Variants in TTLL8 observed in about 807,000 individuals in gnomAD.
The protein encoded by TTLL8 is tubulin tyrosine ligase like 8, also known as protein monoglycylase TTLL8.
In TTLL8, 65 loss-of-function variants were observed where a neutral mutation model predicts 77.8. The ratio of observed to expected loss-of-function variants is 0.84; its 90% CI spans 0.68 to 1.03. TTLL8 has a LOEUF of 1.03. Among genes scored for constraint, TTLL8 ranks in the 50% least tolerant of loss-of-function variants. The pLI is 0.00. For synonymous variants in TTLL8, 402 were observed against 422.8 expected, an observed-to-expected ratio of 0.95 and a Z score of 0.60; for missense variants, 910 against 1,004.5, an observed-to-expected ratio of 0.91 and a Z score of 1.27.
chr22:50,045,485 T>G, intron 5 of TTLL8, 96 bp from the exon 8 acceptor site: 3 of 1,098,118 alleles, frequency 2.7e-6, no homozygotes, highest in Non-Finnish European at 3.7e-6. Context: ...CCCGCCCCAC[T>G]TCCCGCCCTC....
chr22:50,021,949 T>TGACGTGCACTCCTCCATCTGAC, intron 12 of TTLL8, among the ~76,000 whole-genome samples: 1 of 140,868 alleles, frequency 7.1e-6, no homozygotes, highest in African/African-American at 2.6e-5. Context: ...GTCCTCCATC[T>TGACGTGCACTCCTCCATCTGAC]GACGTGCACT....
upstream of TTLL8, chr22:50,055,041 C>T (rs779505846): frequency 2.1e-5 from 15 of 709,838 alleles, no homozygotes; most frequent in Non-Finnish European, 2.6e-5. Flanking sequence ...GCCTGGGCAA[C>T]AAAGCAAGAC....
At chr22:50,045,193 GGGCC>G in intron 6 of TTLL8, 58 bp downstream of exon 8, 1 of 1,300,562 alleles carries the variant, frequency 7.7e-7, no homozygotes, top group Non-Finnish European at 1.0e-6. Flanking sequence ...GGAGGCGGGA[GGGCC>G]CCTGTGGAGG....
At chr22:50,054,407 C>A (rs550596775) in intron 1 of TTLL8, among the ~76,000 whole-genome samples, 1 of 152,050 alleles carries the variant, frequency 6.6e-6, no homozygotes, top group African/African-American at 2.4e-5. Context: ...AAAGGTAAGG[C>A]CTCCCTCTCC....
Position 50,030,418 on chromosome 22 carries a change from G to A in TTLL8, c.2203+12C>T. Reference sequence around the variant, plus strand: ...CCCAAGCCCACAGCGCACCGCCGGCGGCGCAGGTTACCTTTTCCTCCGGGC... The same window carrying A: ...CCCAAGCCCACAGCGCACCGCCGGCAGCGCAGGTTACCTTTTCCTCCGGGC... On this transcript the variant is annotated intron_variant, in intron 12 of 13. Coordinates refer to ENST00000266182, the Ensembl canonical transcript of TTLL8. 7.6e-7 allele frequency: 1 copy of A among 1,309,200 alleles called. No homozygotes were observed. Among genetic ancestry groups the A allele is most frequent in the Non-Finnish European group, 1.0e-6 (1 of 1,003,690 alleles). The allele number at this position is 1,309,200 out of a possible 1,614,324, so 81.1% of individuals were successfully genotyped here.
upstream of TTLL8, among the ~76,000 whole-genome samples, chr22:50,055,890 A>C (rs1343530874): frequency 6.6e-6 from 1 of 152,152 alleles, no homozygotes; most frequent in Non-Finnish European, 1.5e-5. Flanking sequence ...TGAGACCTAC[A>C]GGGCTGCATT....
At chr22:50,024,379 C>T (rs1204172392) in intron 12 of TTLL8, among the ~76,000 whole-genome samples, 1 of 152,144 alleles carries the variant, frequency 6.6e-6, no homozygotes, top group East Asian at 1.9e-4. Context: ...CCCGCCTCGG[C>T]CTCCCAGAGT....
At chr22:50,057,395 CAGGTCTGGGTTGGGCGGG>C (rs1450245319), upstream of TTLL8, among the ~76,000 whole-genome samples, 4 of 42,358 alleles carry the variant, frequency 9.4e-5, no homozygotes, top group African/African-American at 1.2e-4. Context: ...GGGTTGGGGT[CAGGTCTGGGTTGGGCGGG>C]AGGTCTGGGT....
chr22:50,038,006 G>A (rs907870770), intron 8 of TTLL8, among the ~76,000 whole-genome samples: 5 of 151,020 alleles, frequency 3.3e-5, no homozygotes, highest in African/African-American at 9.7e-5. Context: ...TCATTAACAT[G>A]TTATACACAC....
chr22:50,033,102 G>T, intron 10 of TTLL8, 100 bp downstream of exon 11: 1 of 1,230,954 alleles, frequency 8.1e-7, no homozygotes, highest in Non-Finnish European at 1.1e-6. Context: ...GTGGCAGTGA[G>T]GGGGCCCTGC....
chr22:50,030,638 C>A (rs771232155), exon 12 of TTLL8: 13 of 1,287,622 alleles, frequency 1.0e-5, no homozygotes, highest in Non-Finnish European at 1.3e-5. Flanking sequence ...TGCGGGTGGG[C>A]TGTGCGGCTC....
At chr22:50,050,224 G>A (rs374783271) in exon 2 of TTLL8, 30 of 1,342,332 alleles carry the variant, frequency 2.2e-5, no homozygotes, top group East Asian at 9.5e-5. Flanking sequence ...GGTAGTGTCC[G>A]TAGATAGAGA....
chr22:50,049,380 C>T (rs757833166), intron 2 of TTLL8, 58 bp from the exon 5 acceptor site: 213 of 1,362,852 alleles, frequency 1.6e-4, no homozygotes, highest in Non-Finnish European at 1.9e-4. Context: ...CTTCCCGCAC[C>T]GGGTCCGTTA....
intron 3 of TTLL8, 77 bp downstream of exon 5, chr22:50,049,172 G>T: frequency 7.4e-7 from 1 of 1,359,344 alleles, no homozygotes. Context: ...ACATGGGAGA[G>T]TGGGCACGGA....
rs1230505923 is a variant in TTLL8 at position 50,041,735 on chromosome 22, T to G, written c.716A>C (p.Gln239Pro). ...ATGCTCCAGCTGCCCCAGGTAGGCC[T>G]GGCACACCTTGCACGCGATGTCCAC... The change falls in exon 7 of 14, where the codon CAG becomes CCG. Residue 239 changes from glutamine to proline, a missense_variant. Coordinates refer to ENST00000266182, the Ensembl canonical transcript of TTLL8. The surrounding 1 kb of genome is among the most constrained non-coding windows in gnomAD (Gnocchi z 4.3). 1.5e-6 allele frequency: 2 copies of G among 1,366,062 alleles called. No homozygotes were observed. The highest frequency in any genetic ancestry group is 9.1e-5 in the East Asian group (2 of 21,956). 84.6% of individuals were successfully genotyped at this position (1,366,062 alleles called of 1,614,324 possible).
chr22:50,020,068 C>A (rs2061185828), intron 12 of TTLL8, among the ~76,000 whole-genome samples: 1 of 152,158 alleles, frequency 6.6e-6, no homozygotes, highest in Non-Finnish European at 1.5e-5. Context: ...GATAAGCAAA[C>A]TAAGAAAATG....
At chr22:50,043,139 T>C (rs2061382486) in intron 6 of TTLL8, among the ~76,000 whole-genome samples, 1 of 148,964 alleles carries the variant, frequency 6.7e-6, no homozygotes, top group Non-Finnish European at 1.5e-5. Context: ...CGAGACGTCC[T>C]TCAGTAGATG....
upstream of TTLL8, among the ~76,000 whole-genome samples, chr22:50,056,357 C>A (rs2146706726): frequency 6.6e-6 from 1 of 151,852 alleles, no homozygotes; most frequent in African/African-American, 2.4e-5. This position sits in a 1 kb window ranked among gnomAD's most constrained non-coding sequence, Gnocchi z 4.1. Context: ...AACCACACAC[C>A]CGAGTGCCTG....
rs1403936521 is a variant in TTLL8 at position 50,031,857 on chromosome 22, G to A, written c.1536C>T (p.Phe512=). ...AGGGCCTGAAGTCCCTCCCAAGGAC[G>A]AAGTCAGCCCCGTAGAGCTCAAAGC... Residue 512 remains phenylalanine, a synonymous_variant, in exon 11 of 14, where the codon TTC becomes TTT. Coordinates refer to ENST00000266182, the Ensembl canonical transcript of TTLL8. 26 of 1,367,200 alleles carry A rather than the reference G, an allele frequency of 1.9e-5. No individual in the cohort carries two copies. The Middle Eastern group carries it at 8.4e-4, about 44-fold the overall frequency. The allele number at this position is 1,367,200 out of a possible 1,614,324, so 84.7% of individuals were successfully genotyped here.
Sources: allele counts gnomAD v4.1 joint callset (sites outside exome capture counted in the v4.1 genomes callset), GRCh38; gene constraint gnomAD v4.1.1; non-coding constraint Gnocchi (gnomAD v3.1); transcripts MANE v1.5; gene names NCBI Gene and HGNC (gene_info 2026-07-23, HGNC 2026-07-21).